Variants in CUX2 observed in about 807,000 individuals in gnomAD.
The protein encoded by CUX2 is cut like homeobox 2.
Under a neutral mutation model 144.8 loss-of-function variants are expected in CUX2, and 40 were observed. The observed-to-expected ratio is 0.28, with a 90% CI of 0.21 to 0.36. The LOEUF (loss-of-function observed/expected upper bound fraction) is 0.36, where lower values mean the gene tolerates loss of function less well. Ranked by LOEUF, CUX2 falls within the 10% of genes least tolerant of loss-of-function variation. The pLI, the probability that CUX2 is intolerant of heterozygous loss-of-function variation, is 1.00. For synonymous variants in CUX2, 827 were observed against 875.6 expected (o/e 0.94, Z 0.98); for missense variants, 1,615 against 1,994.0 (o/e 0.81, Z 3.62).
intron 1 of CUX2, among the ~76,000 whole-genome samples, chr12:111,105,364 A>G (rs1415805224): frequency 6.6e-6 from 1 of 152,272 alleles, no homozygotes. Flanking sequence ...CTGAGTTGAT[A>G]GGCAATGGCT....
chr12:111,172,384 C>T (rs1218810946), intron 1 of CUX2, among the ~76,000 whole-genome samples: 1 of 152,232 alleles, frequency 6.6e-6, no homozygotes, highest in Non-Finnish European at 1.5e-5. Context: ...CTTTTAACAA[C>T]CCGCTGGTTC....
intron 1 of CUX2, among the ~76,000 whole-genome samples, chr12:111,040,061 A>C (rs777976846): frequency 1.8e-4 from 27 of 151,980 alleles, no homozygotes; most frequent in Non-Finnish European, 3.2e-4. Flanking sequence ...CTGAGGTGGG[A>C]GGATTGCTTG....
At chr12:111,129,731 A>C (rs1484719761) in intron 1 of CUX2, among the ~76,000 whole-genome samples, 3 of 152,178 alleles carry the variant, frequency 2.0e-5, no homozygotes, top group Admixed American at 6.5e-5. Context: ...TTGGTTTACT[A>C]ATTTCCTACA....
At chr12:111,288,054 G>A (rs1319129173) in intron 4 of CUX2, among the ~76,000 whole-genome samples, 11 of 152,280 alleles carry the variant, frequency 7.2e-5, no homozygotes, top group African/African-American at 1.4e-4. Context: ...AGTGGGTACC[G>A]TGAAGGAAAG....
At chr12:111,095,795 G>T (rs11836173) in intron 1 of CUX2, among the ~76,000 whole-genome samples, 134 of 152,278 alleles carry the variant, frequency 8.8e-4, no homozygotes, top group African/African-American at 3.0e-3. Flanking sequence ...TGAAATAAGC[G>T]AAACTCACAG....
chr12:111,060,250 G>T (rs1378574597), intron 1 of CUX2, among the ~76,000 whole-genome samples: 1 of 151,900 alleles, frequency 6.6e-6, no homozygotes, highest in South Asian at 2.1e-4. Context: ...AAACTTCCTC[G>T]TCCCCAAATC....
chr12:111,267,380 T>C (rs1884440834), intron 4 of CUX2, among the ~76,000 whole-genome samples: 2 of 152,090 alleles, frequency 1.3e-5, no homozygotes, highest in Admixed American at 1.3e-4. Context: ...TGTTCTGTGC[T>C]CTGCGTTTCA....
At chr12:111,121,741 C>A (rs939084322) in intron 1 of CUX2, among the ~76,000 whole-genome samples, 1 of 151,828 alleles carries the variant, frequency 6.6e-6, no homozygotes, top group African/African-American at 2.4e-5. Flanking sequence ...ATAATTTTTC[C>A]CCCATTGAAA....
chr12:111,252,646 C>T (rs927095412), intron 3 of CUX2, among the ~76,000 whole-genome samples: 1 of 151,988 alleles, frequency 6.6e-6, no homozygotes, highest in African/African-American at 2.4e-5. Flanking sequence ...CTCTTAAGTT[C>T]CTTCCTTATA....
chr12:111,136,636 G>A (rs1875905811), intron 1 of CUX2, among the ~76,000 whole-genome samples: 1 of 152,206 alleles, frequency 6.6e-6, no homozygotes. Context: ...TTTAATTGAT[G>A]TAGCGTCCCA....
rs1370402086 is a variant in CUX2, at chr12:111,295,404, A to G, written c.632A>G (p.His211Arg). Reference protein sequence around the residue: ...GEAEEKIKVLHSALKATQAEL... With the variant: ...GEAEEKIKVLRSALKATQAEL... ...GCAGAGGAGAAAATCAAAGTCCTAC[A>G]TTCAGGTATGTGTCGGCACCATGTG... The change falls in exon 7 of 22, where the codon CAT (histidine) becomes CGT (arginine). Residue 211 changes from histidine (H) to arginine (R), a missense_variant. His to Arg is a conservative substitution (Grantham distance 29). Around this residue, in one of 12 missense-constraint regions of CUX2, gnomAD observed 295 missense variants for 400.2 expected, o/e 0.74. Transcript: ENST00000261726. This position sits in a 1 kb window ranked among gnomAD's most constrained non-coding sequence, Gnocchi z 5.0. The G allele has an allele frequency of 2.5e-6, 4 of 1,612,036 alleles. No homozygotes were observed. Among genetic ancestry groups the G allele is most frequent in the South Asian group, 1.1e-5 (1 of 90,416 alleles).
chr12:111,090,311 T>C (rs1453568751), intron 1 of CUX2, among the ~76,000 whole-genome samples: 1 of 152,244 alleles, frequency 6.6e-6, no homozygotes, highest in Non-Finnish European at 1.5e-5. Flanking sequence ...TCTCTCGCTC[T>C]GGAGTGCAGT....
At chr12:111,301,233 C>A (rs999694911) in intron 9 of CUX2, among the ~76,000 whole-genome samples, 1 of 152,116 alleles carries the variant, frequency 6.6e-6, no homozygotes, top group Admixed American at 6.6e-5. Flanking sequence ...TACAGCAGAT[C>A]CATATTATTA....
intron 4 of CUX2, among the ~76,000 whole-genome samples, chr12:111,274,640 C>T (rs757612941): frequency 3.3e-5 from 5 of 152,174 alleles, no homozygotes; most frequent in African/African-American, 1.2e-4. Flanking sequence ...CATATAAAGG[C>T]TTGGCACCCC....
rs942492231 is a variant in CUX2 at position 111,287,522 on chromosome 12, A to T, written c.302-3896A>T. 2.0e-5 allele frequency among the ~76,000 whole-genome samples: 3 copies of T among 152,272 alleles called. No homozygotes were observed. The highest frequency in any genetic ancestry group is 7.2e-5 in the African/African-American group (3 of 41,472). On this transcript the variant is annotated intron_variant, in intron 4 of 21. Transcript: ENST00000261726. This position sits in a 1 kb window ranked among gnomAD's most constrained non-coding sequence, Gnocchi z 4.2. ...TTCGTGTTGTACAAAGGCAGTGCAG[A>T]TGGACTCATTAGCATGCACACAACA...
At chr12:111,219,354 G>T (rs1334684503) in intron 3 of CUX2, among the ~76,000 whole-genome samples, 1 of 149,694 alleles carries the variant, frequency 6.7e-6, no homozygotes, top group Non-Finnish European at 1.5e-5. Context: ...GGAACTTTGT[G>T]TTCCTATATA....
chr12:111,098,479 C>T (rs1402565983), intron 1 of CUX2, among the ~76,000 whole-genome samples: 2 of 152,158 alleles, frequency 1.3e-5, no homozygotes, highest in African/African-American at 4.8e-5. Flanking sequence ...CGGGGATTCC[C>T]GGGTACAGGC....
intron 1 of CUX2, among the ~76,000 whole-genome samples, chr12:111,098,861 G>T (rs768292465): frequency 6.6e-6 from 1 of 152,218 alleles, no homozygotes; most frequent in Non-Finnish European, 1.5e-5. Context: ...CTTAGCAGCC[G>T]CCCATGGGGC....
At chr12:111,210,044 G>C (rs1881129479) in intron 1 of CUX2, among the ~76,000 whole-genome samples, 1 of 152,166 alleles carries the variant, frequency 6.6e-6, no homozygotes, top group Non-Finnish European at 1.5e-5. Context: ...GCTCCCCCAG[G>C]GCTGGGGGGC....
Sources: gnomAD v4.1 joint callset for allele counts (sites outside exome capture counted in the v4.1 genomes callset) on GRCh38, gnomAD v4.1.1 for gene constraint, gnomAD v4.1.1 regional missense constraint, Gnocchi (gnomAD v3.1) non-coding constraint, MANE v1.5 for transcripts, NCBI Gene and HGNC (gene_info 2026-07-23, HGNC 2026-07-21) for gene names.